ERG: variants seen among roughly 807,000 people sequenced by gnomAD.
ERG encodes transcriptional regulator ERG.
In ERG, 9 loss-of-function variants were observed where a neutral mutation model predicts 55.3. That is an observed-to-expected ratio of 0.16 (90% CI 0.10 to 0.28). The LOEUF is 0.28. Ranked by LOEUF, ERG falls within the 10% of genes least tolerant of loss-of-function variation. The pLI is 1.00. For missense variants in ERG, 434 were observed against 631.6 expected (o/e 0.69, Z 3.35); for synonymous variants, 223 against 237.3 (o/e 0.94, Z 0.55).
intron 2 of ERG, among the ~76,000 whole-genome samples, chr21:38,519,714 C>A (rs1315839373): frequency 6.6e-6 from 1 of 152,112 alleles, no homozygotes; most frequent in African/African-American, 2.4e-5. Context: ...CTGTGTAATT[C>A]CACTATTTAA....
chr21:38,615,995 G>A (rs886612186), intron 1 of ERG, among the ~76,000 whole-genome samples: 8 of 152,074 alleles, frequency 5.3e-5, no homozygotes, highest in African/African-American at 1.4e-4. Context: ...TAATCCCCAC[G>A]TGTCAAGGGA....
intron 1 of ERG, among the ~76,000 whole-genome samples, chr21:38,584,432 G>A (rs1012124229): frequency 1.3e-5 from 2 of 152,208 alleles, no homozygotes; most frequent in Non-Finnish European, 1.5e-5. Context: ...CAAAATGACT[G>A]TAAGCCAAAT....
At chr21:38,636,395 C>A (rs538299953) in intron 1 of ERG, among the ~76,000 whole-genome samples, 1 of 152,210 alleles carries the variant, frequency 6.6e-6, no homozygotes, top group Non-Finnish European at 1.5e-5. Flanking sequence ...AGCAGGAGGG[C>A]AAGGAGGGTC....
chr21:38,554,903 A>G (rs2059848432), intron 2 of ERG, among the ~76,000 whole-genome samples: 1 of 152,174 alleles, frequency 6.6e-6, no homozygotes, highest in South Asian at 2.1e-4. Context: ...GATTAGATTT[A>G]ATTAAAAATT....
At chr21:38,446,670 A>C (rs1008327882) in intron 1 of ERG, among the ~76,000 whole-genome samples, 1 of 152,156 alleles carries the variant, frequency 6.6e-6, no homozygotes, top group Non-Finnish European at 1.5e-5. Flanking sequence ...TAGTTGGGCC[A>C]CACATTTTTA....
chr21:38,596,895 C>T (rs1278881341), intron 1 of ERG, among the ~76,000 whole-genome samples: 1 of 147,262 alleles, frequency 6.8e-6, no homozygotes, highest in African/African-American at 2.5e-5. Flanking sequence ...AGACATCACA[C>T]CACCCACCTT....
chr21:38,392,923 C>T lies in ERG; in HGVS notation c.746-479G>A, dbSNP rs570897108. On this transcript the variant is annotated intron_variant, in intron 6 of 9. Coordinates refer to ENST00000288319, the MANE Select transcript of ERG (RefSeq NM_182918.4). The stretch of plus-strand genomic sequence containing the variant: ...CTTCTTGCATCTCCTGGGAAGTGAT[C>T]GCTGCCTTATCTTTTTATTTGCCAG... 5.3e-5 allele frequency among the ~76,000 whole-genome samples: 8 copies of T among 152,286 alleles called. No individual in the cohort carries two copies. In the South Asian group the frequency reaches 1.5e-3, roughly 28 times the overall value.
rs1218945740 is a variant in ERG at position 38,381,842 on chromosome 21, G to A, written c.*1561C>T. Reference sequence around the variant, plus strand: ...AGGGGCTAGAAATAAAAGACAGGAGGGGAGGCAAGAAGGACCTGGAGAGGC... The same window carrying A: ...AGGGGCTAGAAATAAAAGACAGGAGAGGAGGCAAGAAGGACCTGGAGAGGC... On this transcript the variant is annotated 3_prime_UTR_variant, in exon 10 of 10. Transcript: ENST00000288319. 7 of 1,063,726 alleles carry A rather than the reference G, an allele frequency of 6.6e-6. No homozygotes were observed. The East Asian group carries it at 2.0e-4, about 31-fold the overall frequency. 65.9% of individuals were successfully genotyped at this position (1,063,726 alleles called of 1,614,324 possible).
intron 6 of ERG, among the ~76,000 whole-genome samples, chr21:38,397,241 G>A (rs955736335): frequency 1.3e-5 from 2 of 152,146 alleles, no homozygotes; most frequent in African/African-American, 4.8e-5. Context: ...GACCTGACAG[G>A]GAAGCAGTCA....
intron 5 of ERG, among the ~76,000 whole-genome samples, chr21:38,401,365 C>T (rs1353555598): frequency 6.6e-6 from 1 of 152,170 alleles, no homozygotes; most frequent in Admixed American, 6.5e-5. Flanking sequence ...GAAGTAACTT[C>T]CTCTAAGTTA....
intron 1 of ERG, among the ~76,000 whole-genome samples, chr21:38,635,880 C>G (rs2060385081): frequency 6.6e-6 from 1 of 152,176 alleles, no homozygotes; most frequent in African/African-American, 2.4e-5. Flanking sequence ...CCAGCTCTTG[C>G]AATCACTAGT....
chr21:38,450,642 T>C (rs924957789), intron 1 of ERG, among the ~76,000 whole-genome samples: 1 of 152,202 alleles, frequency 6.6e-6, no homozygotes, highest in Non-Finnish European at 1.5e-5. Flanking sequence ...AAATAGCTTA[T>C]CCACCAAATA....
intron 1 of ERG, among the ~76,000 whole-genome samples, chr21:38,463,582 AGAAG>A (rs913727387): frequency 6.6e-6 from 1 of 152,228 alleles, no homozygotes; most frequent in Non-Finnish European, 1.5e-5. Flanking sequence ...GGATGACAGA[AGAAG>A]GAAGGAGGGA....
At chr21:38,574,866 C>A (rs1219786428) in intron 2 of ERG, among the ~76,000 whole-genome samples, 1 of 152,198 alleles carries the variant, frequency 6.6e-6, no homozygotes, top group Non-Finnish European at 1.5e-5. Flanking sequence ...GTTGAACTAA[C>A]CAGCACAGGT....
intron 1 of ERG, among the ~76,000 whole-genome samples, chr21:38,487,958 G>T (rs1601120848): frequency 6.6e-6 from 1 of 152,086 alleles, no homozygotes; most frequent in South Asian, 2.1e-4. Context: ...ATATATTCGT[G>T]CAATAACATC....
chr21:38,444,972 C>T (rs941733900), intron 2 of ERG, among the ~76,000 whole-genome samples: 1 of 152,110 alleles, frequency 6.6e-6, no homozygotes, highest in South Asian at 2.1e-4. Context: ...TCCCACAGAG[C>T]CCTCGTGCCT....
chr21:38,627,246 C>A (rs745956922), intron 1 of ERG, among the ~76,000 whole-genome samples: 9 of 151,980 alleles, frequency 5.9e-5, no homozygotes, highest in Non-Finnish European at 1.0e-4. Flanking sequence ...AATGAACAAT[C>A]AAACAAAAAT....
chr21:38,447,581 T>C (rs141644209), intron 1 of ERG, among the ~76,000 whole-genome samples: 1 of 150,628 alleles, frequency 6.6e-6, no homozygotes, highest in East Asian at 1.9e-4. Flanking sequence ...CCAGTCACAA[T>C]TGAGTGGCCA....
chr21:38,436,020 CTTTT>C (rs11384369), intron 2 of ERG, among the ~76,000 whole-genome samples: 1 of 133,330 alleles, frequency 7.5e-6, no homozygotes. Context: ...TTCTTTTTTT[CTTTT>C]TTTTTTTTTT....
Sources: gnomAD v4.1 joint callset for allele counts (sites outside exome capture counted in the v4.1 genomes callset) on GRCh38, gnomAD v4.1.1 for gene constraint, MANE v1.5 for transcripts, NCBI Gene and HGNC (gene_info 2026-07-23, HGNC 2026-07-21) for gene names.